The following FMN1 variants were observed in gnomAD, a reference collection of about 807,000 sequenced individuals.
FMN1 encodes formin 1, also known as formin-1.
A neutral mutation model predicts 132.4 loss-of-function variants in FMN1; 110 were observed. The ratio of observed to expected loss-of-function variants is 0.83; its 90% CI spans 0.71 to 0.97. The LOEUF is 0.97. Ranked by LOEUF, FMN1 falls within the 50% of genes least tolerant of loss-of-function variation. The pLI is 0.00. For synonymous variants in FMN1, 722 were observed against 651.7 expected (o/e 1.11, Z -1.64); for missense variants, 1,792 against 1,705.3 (o/e 1.05, Z -0.90).
At chr15:33,119,155 T>C (rs1962313531) in intron 4 of FMN1, among the ~76,000 whole-genome samples, 1 of 152,204 alleles carries the variant, frequency 6.6e-6, no homozygotes, top group Admixed American at 6.5e-5. Context: ...AAACTTCTAT[T>C]CTGATGATCT....
At chr15:32,883,255 C>T (rs2059812957) in intron 16 of FMN1, among the ~76,000 whole-genome samples, 1 of 152,044 alleles carries the variant, frequency 6.6e-6, no homozygotes, top group Admixed American at 6.6e-5. Context: ...GTAATCCTGG[C>T]ACTATGGGAG....
intron 6 of FMN1, among the ~76,000 whole-genome samples, chr15:33,026,946 G>A (rs1383301648): frequency 6.6e-6 from 1 of 152,120 alleles, no homozygotes; most frequent in African/African-American, 2.4e-5. Flanking sequence ...CTAAGAATAA[G>A]GTCCTATTTT....
chr15:33,020,493 A>T (rs940309071), intron 6 of FMN1, among the ~76,000 whole-genome samples: 1 of 152,122 alleles, frequency 6.6e-6, no homozygotes, highest in African/African-American at 2.4e-5. Flanking sequence ...ACTAAAATAC[A>T]AAAAGTAGCC....
At chr15:33,047,896 A>G (rs343911) in intron 6 of FMN1, among the ~76,000 whole-genome samples, 108,095 of 151,974 alleles carry the variant, frequency 0.71, 38,929 homozygotes, top group Non-Finnish European at 0.76. Flanking sequence ...CTTAGAAACT[A>G]GTAAATGAAA....
rs538903076 is a variant in FMN1 at position 32,846,887 on chromosome 15, G to A, written c.3928+10128C>T. On this transcript the variant is annotated intron_variant, in intron 17 of 20. Coordinates refer to ENST00000616417, the MANE Select transcript of FMN1 (RefSeq NM_001277313.2). Reference sequence around the variant, plus strand: ...TGGAATACTATGCAACCATAAAAAAGGATGAGTTCATGTCCTCCTAGTTTT... The same window carrying A: ...TGGAATACTATGCAACCATAAAAAAAGATGAGTTCATGTCCTCCTAGTTTT... Among the ~76,000 whole-genome samples the A allele has an allele frequency of 3.9e-5, 6 of 152,254 alleles. No individual in the cohort carries two copies. In the South Asian group the frequency reaches 6.2e-4, roughly 16 times the overall value.
intron 4 of FMN1, among the ~76,000 whole-genome samples, chr15:33,114,787 A>C (rs970020630): frequency 1.3e-5 from 2 of 152,252 alleles, no homozygotes; most frequent in Admixed American, 1.3e-4. Context: ...CTATCATTAA[A>C]GGAATAGAAA....
Position 33,154,011 on chromosome 15 carries a change from G to A in FMN1, c.904C>T (p.Pro302Ser), listed in dbSNP as rs971915740. 1 of 1,536,422 alleles carries A rather than the reference G, an allele frequency of 6.5e-7. No homozygotes were observed. The highest frequency in any genetic ancestry group is 1.2e-5 in the South Asian group (1 of 84,040). The change falls in exon 4 of 21, where the codon CCT becomes TCT. Residue 302 changes from proline (P) to serine (S), a missense_variant. Pro to Ser is a moderately conservative substitution (Grantham distance 74). Coordinates refer to ENST00000616417, the MANE Select transcript of FMN1 (RefSeq NM_001277313.2). ...QTGLSESHQD[P>S]EKHPEAEKDE... ...TTTTCTGCCTCTGGATGCTTCTCAG[G>A]GTCCTGGTGACTTTCAGACAAACCT...
At chr15:32,878,961 A>G (rs1393185831) in intron 16 of FMN1, among the ~76,000 whole-genome samples, 2 of 152,194 alleles carry the variant, frequency 1.3e-5, no homozygotes, top group African/African-American at 4.8e-5. Flanking sequence ...AAATGTCACA[A>G]TCACAGCTTC....
intron 6 of FMN1, among the ~76,000 whole-genome samples, chr15:33,020,376 G>A (rs1020405355): frequency 6.7e-5 from 10 of 148,964 alleles, no homozygotes; most frequent in African/African-American, 7.4e-5. Flanking sequence ...GGCCAGGCGC[G>A]GTGGCTCATG....
intron 9 of FMN1, among the ~76,000 whole-genome samples, chr15:32,937,409 T>G (rs76798346): frequency 0.063 from 9,611 of 152,274 alleles, 429 homozygotes; most frequent in Middle Eastern, 0.15. Flanking sequence ...TCAATACAAC[T>G]GGTTTCATGC....
intron 5 of FMN1, among the ~76,000 whole-genome samples, chr15:33,085,700 C>T (rs1479707165): frequency 1.3e-5 from 2 of 151,734 alleles, no homozygotes; most frequent in African/African-American, 4.8e-5. Flanking sequence ...AAGAATCCAC[C>T]TCCTAGAATT....
chr15:32,949,139 CAATT>C (rs1309333368), intron 9 of FMN1, among the ~76,000 whole-genome samples: 1 of 151,892 alleles, frequency 6.6e-6, no homozygotes, highest in Non-Finnish European at 1.5e-5. Context: ...TTTCTTAACT[CAATT>C]TATTTATGGG....
chr15:33,151,143 T>A (rs1233275642), intron 4 of FMN1: 13 of 1,444,656 alleles, frequency 9.0e-6, no homozygotes, highest in Non-Finnish European at 1.2e-5. Flanking sequence ...TCAAAGGTAC[T>A]ATCTGGGGAA....
rs1444450639 is a variant in FMN1, at chr15:32,962,000, C to T, written c.3138+2107G>A. ...TGAACACCCCATTTAAAATTGCAGA[C>T]CTCACCCCCACCCTACTAAAGTCGA... On this transcript the variant is annotated intron_variant, in intron 9 of 20. Transcript: ENST00000616417. Among the ~76,000 whole-genome samples the T allele has an allele frequency of 2.0e-5, 3 of 152,224 alleles. No homozygotes were observed. In the East Asian group the frequency reaches 5.8e-4, roughly 29 times the overall value.
chr15:32,991,434 T>C (rs1408106763), intron 7 of FMN1, among the ~76,000 whole-genome samples: 1 of 152,164 alleles, frequency 6.6e-6, no homozygotes, highest in African/African-American at 2.4e-5. Flanking sequence ...TTACCCTACA[T>C]GATCTAAACA....
At chr15:32,884,033 C>T (rs905727625) in intron 16 of FMN1, among the ~76,000 whole-genome samples, 7 of 152,052 alleles carry the variant, frequency 4.6e-5, no homozygotes, top group African/African-American at 1.7e-4. Flanking sequence ...CAATGCTGCA[C>T]GCGCATGTGT....
At chr15:32,933,329 T>A (rs1335070972) in intron 9 of FMN1, among the ~76,000 whole-genome samples, 1 of 152,206 alleles carries the variant, frequency 6.6e-6, no homozygotes, top group African/African-American at 2.4e-5. Context: ...GCCATTGTGG[T>A]CAGAAAAGAT....
At chr15:33,121,703 A>C (rs1341618829) in intron 4 of FMN1, among the ~76,000 whole-genome samples, 2 of 151,814 alleles carry the variant, frequency 1.3e-5, no homozygotes, top group Non-Finnish European at 2.9e-5. Flanking sequence ...TTCTTTTTGT[A>C]TGTTTAGTAG....
chr15:33,048,592 T>G (rs1269634242), intron 6 of FMN1, among the ~76,000 whole-genome samples: 1 of 134,284 alleles, frequency 7.4e-6, no homozygotes, highest in Non-Finnish European at 1.6e-5. Context: ...TCTGTTTTCA[T>G]GCTGCTGATA....
Sources: allele counts gnomAD v4.1 joint callset (sites outside exome capture counted in the v4.1 genomes callset), GRCh38; gene constraint gnomAD v4.1.1; transcripts MANE v1.5; gene names NCBI Gene and HGNC (gene_info 2026-07-23, HGNC 2026-07-21).